The following CRACD variants were observed in gnomAD, a reference collection of about 807,000 sequenced individuals.
CRACD encodes the protein capping protein inhibiting regulator of actin dynamics.
Under a neutral mutation model 106.8 loss-of-function variants are expected in CRACD, and 56 were observed. The ratio of observed to expected loss-of-function variants is 0.52; its 90% CI spans 0.42 to 0.66. The LOEUF is 0.66. Ranked by LOEUF, CRACD falls within the 30% of genes least tolerant of loss-of-function variation. The pLI is 0.00. For synonymous variants in CRACD, 754 were observed against 670.8 expected, an observed-to-expected ratio of 1.12 and a Z score of -1.92; for missense variants, 1,730 against 1,623.2, an observed-to-expected ratio of 1.07 and a Z score of -1.13.
chr4:56,201,813 A>G (rs1737894864), intron 2 of CRACD, among the ~76,000 whole-genome samples: 1 of 152,236 alleles, frequency 6.6e-6, no homozygotes, highest in African/African-American at 2.4e-5. Flanking sequence ...TAAGAAGCTT[A>G]ATAGCATGTA....
intron 1 of CRACD, among the ~76,000 whole-genome samples, chr4:56,154,639 C>T (rs1735708180): frequency 6.6e-6 from 1 of 152,032 alleles, no homozygotes; most frequent in Non-Finnish European, 1.5e-5. Context: ...AAAAAAATAG[C>T]TTATTTTTAC....
At position 56,328,508 on chromosome 4, in the gene CRACD, C is replaced by T. The variant is rs1182251043; in HGVS notation, c.*704C>T. ...TGTGAAGCATTTGGCCCAGTTGGCTCCCAGGGAACATTTTAATTTAATGTA... is the reference window on the plus strand; with the variant it reads ...TGTGAAGCATTTGGCCCAGTTGGCTTCCAGGGAACATTTTAATTTAATGTA... On this transcript the variant is annotated 3_prime_UTR_variant, in exon 11 of 11. Transcript: ENST00000682029. 4.5e-6 allele frequency: 2 copies of T among 442,372 alleles called. No homozygotes were observed. The highest frequency in any genetic ancestry group is 8.9e-6 in the Non-Finnish European group (2 of 224,624). 27.4% of individuals were successfully genotyped at this position (442,372 alleles called of 1,614,324 possible).
chr4:56,071,708 A>G (rs556874821), intron 1 of CRACD, among the ~76,000 whole-genome samples: 1 of 151,990 alleles, frequency 6.6e-6, no homozygotes, highest in Admixed American at 6.5e-5. Flanking sequence ...ACAGGGTTTC[A>G]CCATGTTGGC....
chr4:56,214,458 G>A (rs1278950389), intron 2 of CRACD, among the ~76,000 whole-genome samples: 5 of 151,716 alleles, frequency 3.3e-5, no homozygotes, highest in South Asian at 2.1e-4. Flanking sequence ...TGGGTGTGGC[G>A]GCACTTGCCT....
chr4:56,228,482 G>A (rs73240533), intron 2 of CRACD, among the ~76,000 whole-genome samples: 3 of 151,700 alleles, frequency 2.0e-5, no homozygotes, highest in African/African-American at 2.4e-5. Flanking sequence ...GCCTAAGTCG[G>A]CCAGGATGGT....
intron 2 of CRACD, among the ~76,000 whole-genome samples, chr4:56,180,698 C>T (rs1207935698): frequency 2.6e-5 from 4 of 152,070 alleles, no homozygotes; most frequent in African/African-American, 9.7e-5. Flanking sequence ...AAAAACTACT[C>T]ATTAGTTGTC....
intron 1 of CRACD, among the ~76,000 whole-genome samples, chr4:56,141,452 C>G (rs1183560332): frequency 1.3e-5 from 2 of 151,958 alleles, no homozygotes; most frequent in Admixed American, 1.3e-4. Flanking sequence ...TCTTTCTTGG[C>G]TGGGTGTGGT....
Position 56,314,303 on chromosome 4 carries a change from G to A in CRACD, c.801G>A (p.Gln267=), listed in dbSNP as rs1167032488. Residue 267 remains glutamine, a synonymous_variant, in exon 8 of 11, where the codon CAG becomes CAA. Coordinates refer to ENST00000682029, the MANE Select transcript of CRACD (RefSeq NM_001393381.1). This position sits in a 1 kb window ranked among gnomAD's most constrained non-coding sequence, Gnocchi z 4.4. The part of the protein sequence containing the change: ...ERRLWEENRR[Q]ELLEEEGEGQ... The stretch of plus-strand genomic sequence containing the variant: ...GGCTTTGGGAAGAGAACAGAAGGCA[G>A]GAGCTCTTGGAGGAGGAGGGCGAGG... 1.9e-6 allele frequency: 3 copies of A among 1,554,032 alleles called. No individual in the cohort carries two copies. The highest frequency in any genetic ancestry group is 2.4e-5 in the East Asian group (1 of 41,296).
At chr4:56,121,673 C>T (rs1212960491) in intron 1 of CRACD, among the ~76,000 whole-genome samples, 5 of 151,976 alleles carry the variant, frequency 3.3e-5, no homozygotes, top group Non-Finnish European at 7.4e-5. Context: ...TGAATAAATG[C>T]AGGACTATGT....
intron 1 of CRACD, among the ~76,000 whole-genome samples, chr4:56,107,776 T>C (rs571677240): frequency 2.2e-4 from 33 of 152,322 alleles, no homozygotes; most frequent in South Asian, 6.2e-4. Context: ...ATGTGCTGAT[T>C]CAGATGGAGG....
At chr4:56,281,419 G>A (rs187623402) in intron 3 of CRACD, among the ~76,000 whole-genome samples, 1 of 152,126 alleles carries the variant, frequency 6.6e-6, no homozygotes, top group Non-Finnish European at 1.5e-5. Context: ...GACTGCTGAG[G>A]TATAGCGATT....
chr4:56,276,411 T>C (rs1162432795), intron 3 of CRACD, among the ~76,000 whole-genome samples: 2 of 152,196 alleles, frequency 1.3e-5, no homozygotes, highest in Non-Finnish European at 2.9e-5. Context: ...GTATGCAGTA[T>C]TTCAATATTC....
At chr4:56,144,789 G>A (rs1735322975) in intron 1 of CRACD, among the ~76,000 whole-genome samples, 1 of 152,008 alleles carries the variant, frequency 6.6e-6, no homozygotes, top group Non-Finnish European at 1.5e-5. Context: ...CAGTAGCTGG[G>A]ATTACAGGCA....
At chr4:56,196,623 C>T (rs766661816) in intron 2 of CRACD, among the ~76,000 whole-genome samples, 1 of 152,174 alleles carries the variant, frequency 6.6e-6, no homozygotes, top group Non-Finnish European at 1.5e-5. Flanking sequence ...AGATGCCATC[C>T]GTCCTCTGCA....
chr4:56,086,657 A>G (rs960313243), intron 1 of CRACD, among the ~76,000 whole-genome samples: 1 of 151,606 alleles, frequency 6.6e-6, no homozygotes. Context: ...TACCCCTCCT[A>G]TCTGATTTCC....
intron 3 of CRACD, among the ~76,000 whole-genome samples, chr4:56,296,113 G>A (rs1744010356): frequency 6.6e-6 from 1 of 152,064 alleles, no homozygotes; most frequent in Non-Finnish European, 1.5e-5. Context: ...CCCATACCCT[G>A]TGTCACTCAT....
intron 2 of CRACD, among the ~76,000 whole-genome samples, chr4:56,205,564 G>A (rs1201163847): frequency 1.3e-5 from 2 of 152,008 alleles, no homozygotes; most frequent in East Asian, 3.9e-4. Flanking sequence ...GCATATATGT[G>A]TGTGTGTGTT....
intron 1 of CRACD, among the ~76,000 whole-genome samples, chr4:56,133,732 AGTTCTTT>A (rs1162645672): frequency 3.3e-5 from 5 of 152,258 alleles, no homozygotes; most frequent in African/African-American, 1.2e-4. Flanking sequence ...GATATGATTT[AGTTCTTT>A]CCCGTAAGGA....
At chr4:56,114,921 AT>A (rs1734231242) in intron 1 of CRACD, among the ~76,000 whole-genome samples, 2 of 152,304 alleles carry the variant, frequency 1.3e-5, no homozygotes, top group East Asian at 3.9e-4. Context: ...ATGAGTATTT[AT>A]TATTCCAAGC....
Sources: gnomAD v4.1 joint callset for allele counts (sites outside exome capture counted in the v4.1 genomes callset) on GRCh38, gnomAD v4.1.1 for gene constraint, Gnocchi (gnomAD v3.1) non-coding constraint, MANE v1.5 for transcripts, NCBI Gene and HGNC (gene_info 2026-07-23, HGNC 2026-07-21) for gene names.